The following NF1 variants were observed in gnomAD, a reference collection of about 807,000 sequenced individuals.
NF1 encodes the protein neurofibromin 1, also known as neurofibromin.
NF1 carries 122 observed loss-of-function variants against 325.7 expected under a neutral mutation model. The observed-to-expected ratio is 0.37, with a 90% confidence interval of 0.32 to 0.44. The LOEUF is 0.44. NF1 is among the 20% of genes least tolerant of loss of function. The pLI, the probability that NF1 is intolerant of heterozygous loss-of-function variation, is 1.00. For synonymous variants in NF1, 1,091 were observed against 1,186.0 expected (o/e 0.92, Z 1.65); for missense variants, 2,140 against 3,415.4 (o/e 0.63, Z 9.31).
chr17:31,320,464 A>T, intron 36 of NF1: 1 of 1,586,988 alleles, frequency 6.3e-7, no homozygotes, highest in Non-Finnish European at 8.6e-7. Flanking sequence ...TTTGAACATC[A>T]AGGTTTTATA....
At chr17:31,265,374 A>AT (rs2067768743) in intron 36 of NF1, 35 bp downstream of exon 36, 8 of 1,479,978 alleles carry the variant, frequency 5.4e-6, no homozygotes, top group Non-Finnish European at 7.5e-6. Flanking sequence ...TCTTAACAGA[A>AT]TTTTTTAAAT....
chr17:31,362,436 C>A, intron 57 of NF1: 1 of 748,486 alleles, frequency 1.3e-6, no homozygotes, highest in Non-Finnish European at 1.6e-6. Context: ...GGGTTAACTG[C>A]TTTATACAGT....
chr17:31,319,373 TA>T (rs11295418), intron 36 of NF1, among the ~76,000 whole-genome samples: 11,649 of 142,792 alleles, frequency 0.082, 756 homozygotes, highest in African/African-American at 0.18. Context: ...ATTCCTTCTT[TA>T]AAAAAAAAAA....
At chr17:31,330,684 T>C (rs1429982256) in intron 39 of NF1, 186 bp downstream of exon 39, 4 of 591,500 alleles carry the variant, frequency 6.8e-6, no homozygotes, top group African/African-American at 3.7e-5. Context: ...GTAGGCCACA[T>C]TGAGAAATCC....
At chr17:31,294,351 G>A (rs1242257274) in intron 36 of NF1, among the ~76,000 whole-genome samples, 2 of 152,076 alleles carry the variant, frequency 1.3e-5, no homozygotes, top group Non-Finnish European at 2.9e-5. Context: ...GCAAAGCCTA[G>A]TGTCTTCTAG....
intron 8 of NF1, among the ~76,000 whole-genome samples, chr17:31,192,227 CA>C (rs1167764312): frequency 6.6e-6 from 1 of 152,142 alleles, no homozygotes; most frequent in Non-Finnish European, 1.5e-5. Context: ...TATTCTGAAC[CA>C]AATACGAGTG....
Position 31,356,539 on chromosome 17 carries a change from A to C in NF1, c.7695A>C (p.Thr2565=), listed in dbSNP as rs753391618. 1 of 1,613,832 alleles carries C rather than the reference A, an allele frequency of 6.2e-7. No individual in the cohort carries two copies. The highest frequency in any genetic ancestry group is 8.5e-7 in the Non-Finnish European group (1 of 1,179,830). Residue 2565 remains threonine, a synonymous_variant, in exon 52 of 58, where the codon ACA becomes ACC. Coordinates refer to ENST00000358273, the MANE Select transcript of NF1 (RefSeq NM_001042492.3). Reference sequence around the variant, plus strand: ...AAGAAATGGAATCAGGGATCACAACACCCCCCAAAATGAGGAGAGTAGCAG... The same window carrying C: ...AAGAAATGGAATCAGGGATCACAACCCCCCCCAAAATGAGGAGAGTAGCAG... ...KRQEMESGIT[T]PPKMRRVAET...
In NF1 at chr17:31,235,745, C is replaced by A. The variant is rs150426576; in HGVS notation, c.3843C>A (p.Ala1281=). 1 of 1,614,046 alleles carries A rather than the reference C, an allele frequency of 6.2e-7. No homozygotes were observed. Among genetic ancestry groups the A allele is most frequent in the Non-Finnish European group, 8.5e-7 (1 of 1,179,998 alleles). ...MQTLFRGNSL[A]SKIMTFCFKV... is the part of the protein sequence containing the mutation. ...CTCTCTTCCGAGGCAACAGCTTGGC[C>A]AGTAAAATAATGACATTCTGTTTCA... Residue 1281 remains alanine (A), a synonymous_variant, in exon 28 of 58, where the codon GCC becomes GCA. Transcript: ENST00000358273.
chr17:31,309,293 C>T (rs1165281341), intron 36 of NF1, among the ~76,000 whole-genome samples: 1 of 152,144 alleles, frequency 6.6e-6, no homozygotes, highest in East Asian at 1.9e-4. Flanking sequence ...CTTCTTGATT[C>T]CTTTCCATTT....
At chr17:31,326,453 G>C (rs891068053) in intron 37 of NF1, among the ~76,000 whole-genome samples, 1 of 152,136 alleles carries the variant, frequency 6.6e-6, no homozygotes, top group Non-Finnish European at 1.5e-5. Flanking sequence ...TTCAAGACCA[G>C]CCTGGCCAAC....
intron 36 of NF1, among the ~76,000 whole-genome samples, chr17:31,266,874 G>C (rs1207629750): frequency 1.3e-5 from 2 of 151,870 alleles, no homozygotes; most frequent in Non-Finnish European, 2.9e-5. Context: ...GAAACCTATT[G>C]AGTCTTGTGG....
chr17:31,268,350 T>C (rs2067826933), intron 36 of NF1, among the ~76,000 whole-genome samples: 1 of 151,856 alleles, frequency 6.6e-6, no homozygotes, highest in African/African-American at 2.4e-5. Flanking sequence ...ACCACTTGGC[T>C]GGGCGCGGTG....
chr17:31,280,715 T>A (rs1302190271), intron 36 of NF1, among the ~76,000 whole-genome samples: 1 of 152,054 alleles, frequency 6.6e-6, no homozygotes, highest in Non-Finnish European at 1.5e-5. Context: ...GCCTCCATCT[T>A]ACACATTACT....
rs2066478258 is a variant in NF1, at chr17:31,198,810, G to C, written c.889-1612G>C. ...TTGTCTTCTTTACAGTAGAGATGGG[G>C]GTTTTACCATGTTGATCAGGCTGGT... On this transcript the variant is annotated intron_variant, in intron 8 of 57. Coordinates refer to ENST00000358273, the MANE Select transcript of NF1 (RefSeq NM_001042492.3). 2.0e-5 allele frequency among the ~76,000 whole-genome samples: 3 copies of C among 151,850 alleles called. No homozygotes were observed. The South Asian group carries it at 6.2e-4, about 32-fold the overall frequency.
intron 47 of NF1, among the ~76,000 whole-genome samples, chr17:31,341,974 G>A (rs1208838749): frequency 1.3e-5 from 2 of 152,170 alleles, no homozygotes; most frequent in Non-Finnish European, 2.9e-5. Context: ...TGGGTACAAA[G>A]AACAGGATTA....
At chr17:31,152,079 G>A (rs1012741349) in intron 1 of NF1, among the ~76,000 whole-genome samples, 1 of 151,206 alleles carries the variant, frequency 6.6e-6, no homozygotes, top group East Asian at 1.9e-4. Context: ...TCCCCTTCCT[G>A]TGTGGTTTAT....
chr17:31,146,487 G>A (rs1916598085), intron 1 of NF1, among the ~76,000 whole-genome samples: 1 of 152,116 alleles, frequency 6.6e-6, no homozygotes, highest in Admixed American at 6.5e-5. Context: ...AGATATATAA[G>A]TGTAATAAAT....
intron 27 of NF1, 59 bp downstream of exon 27, chr17:31,233,272 A>G (rs1310851814): frequency 5.5e-5 from 77 of 1,393,888 alleles, no homozygotes; most frequent in Non-Finnish European, 7.8e-5. Context: ...ATCCTTCAGA[A>G]TATATTTGTT....
intron 47 of NF1, 77 bp downstream of exon 47, chr17:31,340,722 T>TA: frequency 6.8e-7 from 1 of 1,465,328 alleles, no homozygotes; most frequent in Non-Finnish European, 9.5e-7. Flanking sequence ...GCTATTCTTT[T>TA]AAAATCACAA....
Sources: allele counts gnomAD v4.1 joint callset (sites outside exome capture counted in the v4.1 genomes callset), GRCh38; gene constraint gnomAD v4.1.1; transcripts MANE v1.5; gene names NCBI Gene and HGNC (gene_info 2026-07-23, HGNC 2026-07-21).